TEX264: variants seen among roughly 807,000 people sequenced by gnomAD.
The protein encoded by TEX264 is testis expressed 264, ER-phagy receptor.
In TEX264, 13 loss-of-function variants were observed where a neutral mutation model predicts 23.4. That is an observed-to-expected ratio of 0.56 (90% CI 0.36 to 0.88). The LOEUF is 0.88. TEX264 is among the 40% of genes least tolerant of loss of function. TEX264 has a pLI of 0.01. For synonymous variants in TEX264, 159 were observed against 170.0 expected (o/e 0.94, Z 0.50); for missense variants, 340 against 406.8 (o/e 0.84, Z 1.41).
intron 3 of TEX264, among the ~76,000 whole-genome samples, chr3:51,689,033 C>T (rs1304361381): frequency 1.3e-5 from 2 of 151,896 alleles, no homozygotes; most frequent in African/African-American, 2.4e-5. Context: ...GTGGGAGGAT[C>T]GCTTGAGCCT....
intron 4 of TEX264, among the ~76,000 whole-genome samples, chr3:51,702,134 G>A (rs1351122244): frequency 1.3e-5 from 2 of 152,164 alleles, no homozygotes; most frequent in Non-Finnish European, 2.9e-5. Context: ...TTGGGTGGGT[G>A]GGCAGACAGA....
chr3:51,688,694 A>C (rs981646522), intron 3 of TEX264, among the ~76,000 whole-genome samples: 1 of 152,134 alleles, frequency 6.6e-6, no homozygotes, highest in Non-Finnish European at 1.5e-5. Context: ...GGTCAGACTA[A>C]TGTCTGACTA....
chr3:51,679,941 G>A (rs1424683457), intron 2 of TEX264, among the ~76,000 whole-genome samples: 2 of 152,164 alleles, frequency 1.3e-5, no homozygotes, highest in Non-Finnish European at 2.9e-5. Flanking sequence ...CAGGGAAGTT[G>A]GGGGTTGGCG....
intron 3 of TEX264, among the ~76,000 whole-genome samples, chr3:51,687,747 T>C (rs1251672344): frequency 6.6e-6 from 1 of 152,070 alleles, no homozygotes; most frequent in Non-Finnish European, 1.5e-5. Context: ...GAATGGATCT[T>C]AGCTTCGGGT....
At chr3:51,678,136 T>C (rs1167175023) in intron 2 of TEX264, among the ~76,000 whole-genome samples, 5 of 152,198 alleles carry the variant, frequency 3.3e-5, no homozygotes, top group African/African-American at 1.2e-4. Flanking sequence ...GGAAGGGTCC[T>C]GACTAGAAAA....
At chr3:51,702,940 T>G (rs974790225) in intron 4 of TEX264, among the ~76,000 whole-genome samples, 3 of 152,066 alleles carry the variant, frequency 2.0e-5, no homozygotes, top group Non-Finnish European at 2.9e-5. Context: ...ACCAGCAGAG[T>G]GCTCTCATCA....
At chr3:51,681,723 C>T (rs1439866768) in intron 2 of TEX264, 1 of 152,240 alleles carries the variant, frequency 6.6e-6, no homozygotes, top group East Asian at 1.9e-4. Flanking sequence ...CTGGATCTGT[C>T]CCTCCCTCTG....
chr3:51,697,764 C>A (rs886153970), intron 3 of TEX264, among the ~76,000 whole-genome samples: 4 of 152,206 alleles, frequency 2.6e-5, no homozygotes, highest in African/African-American at 9.7e-5. Flanking sequence ...TAGCCTCCTC[C>A]TGGAGACCAA....
chr3:51,672,566 G>C (rs1702085808), intron 1 of TEX264, among the ~76,000 whole-genome samples: 1 of 152,200 alleles, frequency 6.6e-6, no homozygotes, highest in Non-Finnish European at 1.5e-5. Context: ...GAGTTTTCCA[G>C]CTTTGGGCTC....
intron 3 of TEX264, among the ~76,000 whole-genome samples, chr3:51,687,798 T>A (rs1702680291): frequency 1.3e-5 from 2 of 152,158 alleles, no homozygotes. Flanking sequence ...GAGTTGCAGA[T>A]GTGCCTGAGC....
intron 1 of TEX264, among the ~76,000 whole-genome samples, chr3:51,672,854 G>A (rs139117833): frequency 1.3e-5 from 2 of 152,306 alleles, no homozygotes; most frequent in Non-Finnish European, 2.9e-5. Flanking sequence ...CGTATAGTAA[G>A]CATTCAGTGG....
chr3:51,672,912 G>A (rs1702099073), intron 1 of TEX264, among the ~76,000 whole-genome samples: 1 of 152,202 alleles, frequency 6.6e-6, no homozygotes, highest in Non-Finnish European at 1.5e-5. Context: ...AGTTACTGGA[G>A]ACAAGATGAG....
chr3:51,674,213 A>G (rs2106895912), intron 1 of TEX264, 58 bp from the exon 2 acceptor site: 3 of 1,569,946 alleles, frequency 1.9e-6, no homozygotes, highest in Non-Finnish European at 2.6e-6. Context: ...TTGGCGGGCA[A>G]GTGGGCACAT....
chr3:51,694,025 TCCTTCCTTCCTTCCTTCCTTCCTC>T (rs1702935529), intron 3 of TEX264, among the ~76,000 whole-genome samples: 5 of 142,584 alleles, frequency 3.5e-5, no homozygotes, highest in Admixed American at 2.8e-4. Flanking sequence ...CTTCCTTCCT[TCCTTCCTTCCTTCCTTCCTTCCTC>T]CCTTCCCTTC....
chr3:51,675,296 G>T (rs1037919459), intron 2 of TEX264, among the ~76,000 whole-genome samples: 2 of 152,216 alleles, frequency 1.3e-5, no homozygotes, highest in African/African-American at 2.4e-5. Flanking sequence ...ATGCTATGGG[G>T]TGGTGCTGCC....
rs755508970 is a variant in TEX264, at chr3:51,674,557, C to T, written c.253C>T (p.His85Tyr). The T allele has an allele frequency of 1.2e-6, 2 of 1,614,080 alleles. No individual in the cohort carries two copies. The highest frequency in any genetic ancestry group is 1.7e-6 in the Non-Finnish European group (2 of 1,180,006). Residue 85 changes from histidine to tyrosine, a missense_variant, in exon 2 of 5, where the codon CAC becomes TAC. Physicochemically the swap from His to Tyr is moderately conservative, Grantham distance 83. Transcript: ENST00000341333. ...CATCGCTGTCTACTATGACAACCCC[C>T]ACATGGTAAGGAGTCTCCATGGGGT... ...RSIAVYYDNPHMVPPDKCRCA... is the reference protein window; with the variant it reads ...RSIAVYYDNPYMVPPDKCRCA...
Position 51,686,548 on chromosome 3 carries a change from G to A in TEX264, c.480+1914G>A, listed in dbSNP as rs976986955. The stretch of plus-strand genomic sequence containing the variant: ...GAGTGAGAAGACCTGGAAAGGGGAG[G>A]GCTGTCACGGTGATAAGGCAAGGGC... On this transcript the variant is annotated intron_variant, in intron 3 of 4. Transcript: ENST00000341333. This position sits in a 1 kb window ranked among gnomAD's most constrained non-coding sequence, Gnocchi z 4.1. Among the ~76,000 whole-genome samples the A allele has an allele frequency of 2.0e-5, 3 of 152,110 alleles. No individual in the cohort carries two copies. The highest frequency in any genetic ancestry group is 7.2e-5 in the African/African-American group (3 of 41,416).
At chr3:51,697,596 C>A (rs527775412) in intron 3 of TEX264, among the ~76,000 whole-genome samples, 1 of 152,218 alleles carries the variant, frequency 6.6e-6, no homozygotes, top group Non-Finnish European at 1.5e-5. Flanking sequence ...TGGGGAAGGA[C>A]CTGGACCTTC....
chr3:51,681,895 C>T (rs1013213783), intron 2 of TEX264: 1 of 152,244 alleles, frequency 6.6e-6, no homozygotes. Context: ...AATTTAGTTT[C>T]ATCCTAGAGG....
Sources: allele counts gnomAD v4.1 joint callset (sites outside exome capture counted in the v4.1 genomes callset), GRCh38; gene constraint gnomAD v4.1.1; non-coding constraint Gnocchi (gnomAD v3.1); transcripts MANE v1.5; gene names NCBI Gene and HGNC (gene_info 2026-07-23, HGNC 2026-07-21).